POM121C: variants seen among roughly 807,000 people sequenced by gnomAD.
POM121C encodes the protein nuclear envelope pore membrane protein POM 121C.
Under a neutral mutation model 66.4 loss-of-function variants are expected in POM121C, and 20 were observed. The ratio of observed to expected loss-of-function variants is 0.30; its 90% confidence interval spans 0.21 to 0.44. POM121C has a LOEUF of 0.44. POM121C is among the 20% of genes least tolerant of loss of function. The probability of loss-of-function intolerance (pLI) is 1.00; values close to 1 mark genes in which losing one functional copy is unlikely to be tolerated. For synonymous variants in POM121C, 286 were observed against 528.0 expected (o/e 0.54, Z 6.28); for missense variants, 580 against 1,225.7 (o/e 0.47, Z 7.87).
rs1584689304 is a variant in POM121C at position 75,453,854 on chromosome 7, A to G, written c.-151-12207T>C. ...TCTTCATTCACAAAACCAGGAGCTG[A>G]TACTGGCTGTCAGCCAGGACTTCAA... On this transcript the variant is annotated intron_variant, in intron 3 of 14. Coordinates refer to ENST00000615331, the MANE Select transcript of POM121C (RefSeq NM_001099415.3). 2.6e-5 allele frequency among the ~76,000 whole-genome samples: 4 copies of G among 152,152 alleles called. No homozygotes were observed. The South Asian group carries it at 8.3e-4, about 32-fold the overall frequency.
rs1554470653 is a variant in POM121C at position 75,421,633 on chromosome 7, C to T, written c.2619G>A (p.Gly873=). Residue 873 remains glycine (G), a synonymous_variant, in exon 13 of 15, where the codon GGG becomes GGA. Transcript: ENST00000615331. ...TGAAGGGGGTGGAGGTGGCTGTGCT[C>T]CCACTCTGTCCTGCTCCAAAGCTGA... ...GAFSFGAGQS[G]STATSTPFTG... is the part of the protein sequence containing the mutation. 6.2e-7 allele frequency: 1 copy of T among 1,613,542 alleles called. No homozygotes were observed. Among genetic ancestry groups the T allele is most frequent in the East Asian group, 2.2e-5 (1 of 44,876 alleles).
intron 3 of POM121C, among the ~76,000 whole-genome samples, chr7:75,461,778 TTAAAC>T (rs782090356): frequency 2.0e-5 from 3 of 152,004 alleles, no homozygotes; most frequent in Non-Finnish European, 4.4e-5. Context: ...TGTAAAATAA[TTAAAC>T]TAAATCAATT....
At chr7:75,451,072 A>G (rs1261465676) in intron 3 of POM121C, among the ~76,000 whole-genome samples, 1 of 152,212 alleles carries the variant, frequency 6.6e-6, no homozygotes, top group Non-Finnish European at 1.5e-5. Context: ...ATGGATAGGA[A>G]GAATCAGTAT....
At chr7:75,480,322 T>G (rs1310395510) in intron 1 of POM121C, among the ~76,000 whole-genome samples, 1 of 152,046 alleles carries the variant, frequency 6.6e-6, no homozygotes, top group East Asian at 1.9e-4. Context: ...ACCTTGAACA[T>G]TTATGTATCT....
At chr7:75,443,483 GT>G (rs1312388666) in intron 3 of POM121C, among the ~76,000 whole-genome samples, 1 of 151,822 alleles carries the variant, frequency 6.6e-6, no homozygotes, top group Non-Finnish European at 1.5e-5. Context: ...GTGTAGTTAA[GT>G]TTCCTCAGAC....
chr7:75,444,720 T>C (rs587693879), intron 3 of POM121C, among the ~76,000 whole-genome samples: 3 of 144,196 alleles, frequency 2.1e-5, no homozygotes, highest in South Asian at 4.4e-4. Context: ...TTACACATAA[T>C]CTAGCACATT....
chr7:75,468,313 C>CTTTTT (rs59483137), intron 3 of POM121C, among the ~76,000 whole-genome samples: 42 of 89,760 alleles, frequency 4.7e-4, no homozygotes, highest in African/African-American at 1.1e-3. Context: ...AAGACTCCAG[C>CTTTTT]TTTTTTTTTT....
intron 1 of POM121C, among the ~76,000 whole-genome samples, chr7:75,478,316 TG>T (rs1219626232): frequency 1.3e-5 from 2 of 152,126 alleles, no homozygotes; most frequent in African/African-American, 4.8e-5. Flanking sequence ...GAGTTATCTA[TG>T]AGTGATGGGA....
At chr7:75,448,897 T>TAAA (rs1790927267) in intron 3 of POM121C, among the ~76,000 whole-genome samples, 1 of 150,078 alleles carries the variant, frequency 6.7e-6, no homozygotes, top group Non-Finnish European at 1.5e-5. Context: ...AAAGGCAACT[T>TAAA]AAAAAGGAAA....
chr7:75,459,575 G>A (rs587697814), intron 3 of POM121C, among the ~76,000 whole-genome samples: 3 of 75,066 alleles, frequency 4.0e-5, no homozygotes, highest in Non-Finnish European at 7.4e-5. Context: ...ACTCCAGCCT[G>A]GGCGATGGAG....
rs1268451960 is a variant in POM121C, at chr7:75,474,701, T to C, written c.-152+3A>G. On this transcript the variant is annotated splice_donor_region_variant and intron_variant, in intron 3 of 14. Transcript: ENST00000615331. ...TTTAACATTTGATACTCTACTAACTTACCAGGACTATGTTGACATGGAAAT... is the reference window on the plus strand; with the variant it reads ...TTTAACATTTGATACTCTACTAACTCACCAGGACTATGTTGACATGGAAAT... 2.7e-5 allele frequency: 39 copies of C among 1,471,252 alleles called. No homozygotes were observed. Among genetic ancestry groups the C allele is most frequent in the Non-Finnish European group, 3.2e-5 (34 of 1,058,546 alleles). 91.1% of individuals were successfully genotyped at this position (1,471,252 alleles called of 1,614,324 possible). A position where few individuals can be genotyped will look rare whatever the true frequency, so the allele number is the denominator to read the frequency against.
At chr7:75,476,405 C>T (rs1429392331) in intron 1 of POM121C, among the ~76,000 whole-genome samples, 1 of 152,150 alleles carries the variant, frequency 6.6e-6, no homozygotes, top group Non-Finnish European at 1.5e-5. Flanking sequence ...CCCAAACTTG[C>T]AGTTTAGAAA....
At chr7:75,441,804 T>G (rs1790660220) in intron 3 of POM121C, among the ~76,000 whole-genome samples, 157 bp from the exon 4 acceptor site, 4 of 152,104 alleles carry the variant, frequency 2.6e-5, no homozygotes, top group Admixed American at 2.0e-4. Flanking sequence ...TTTCCCCTAT[T>G]CCATCTAAGA....
intron 7 of POM121C, among the ~76,000 whole-genome samples, chr7:75,436,719 A>G (rs1353870958): frequency 6.6e-6 from 1 of 152,178 alleles, no homozygotes; most frequent in Non-Finnish European, 1.5e-5. Flanking sequence ...CACTTCAGAG[A>G]TAAGAAAAAG....
chr7:75,440,305 A>C (rs1310606199), intron 5 of POM121C, among the ~76,000 whole-genome samples: 6 of 151,602 alleles, frequency 4.0e-5, no homozygotes, highest in Non-Finnish European at 7.4e-5. Context: ...CCATGGCTCA[A>C]GCCTGTAATC....
intron 1 of POM121C, among the ~76,000 whole-genome samples, chr7:75,478,825 G>A (rs1792189401): frequency 7.0e-6 from 1 of 143,026 alleles, no homozygotes; most frequent in Admixed American, 7.0e-5. Context: ...GGGAGGTGGC[G>A]GGTACTTGAA....
At chr7:75,423,622 T>C (rs1187289322) in intron 12 of POM121C, among the ~76,000 whole-genome samples, 1 of 151,378 alleles carries the variant, frequency 6.6e-6, no homozygotes, top group African/African-American at 2.4e-5. Context: ...GATAAAGAGG[T>C]GTGCGCGCGC....
intron 12 of POM121C, among the ~76,000 whole-genome samples, chr7:75,423,827 C>G (rs117357853): frequency 0.073 from 11,070 of 152,210 alleles, 506 homozygotes; most frequent in Non-Finnish European, 0.1. Flanking sequence ...CTCAGGGCAG[C>G]TAAGCCAGGC....
At chr7:75,485,543 T>C (rs1385906894) in intron 1 of POM121C, among the ~76,000 whole-genome samples, 5 of 152,160 alleles carry the variant, frequency 3.3e-5, no homozygotes, top group East Asian at 1.9e-4. Context: ...AGTGAGAGAA[T>C]AGAAGTGCTG....
Sources: allele counts gnomAD v4.1 joint callset (sites outside exome capture counted in the v4.1 genomes callset), GRCh38; gene constraint gnomAD v4.1.1; transcripts MANE v1.5; gene names NCBI Gene and HGNC (gene_info 2026-07-23, HGNC 2026-07-21).